The following KIAA1217 variants were observed in gnomAD, a reference collection of about 807,000 sequenced individuals.
KIAA1217 encodes the protein KIAA1217.
KIAA1217 carries 88 observed loss-of-function variants against 163.9 expected under a neutral mutation model. The observed-to-expected ratio is 0.54, with a 90% CI of 0.45 to 0.64. KIAA1217 has a LOEUF of 0.64. Ranked by LOEUF, KIAA1217 falls within the 30% of genes least tolerant of loss-of-function variation. The pLI, the probability that KIAA1217 is intolerant of heterozygous loss-of-function variation, is 0.00. For synonymous variants in KIAA1217, 903 were observed against 923.1 expected (o/e 0.98, Z 0.39); for missense variants, 2,372 against 2,475.0 (o/e 0.96, Z 0.88).
At chr10:23,730,169 G>T (rs1838398279) in intron 1 of KIAA1217, among the ~76,000 whole-genome samples, 1 of 152,144 alleles carries the variant, frequency 6.6e-6, no homozygotes, top group Non-Finnish European at 1.5e-5. Flanking sequence ...CCAAAGTGCT[G>T]GGATTACAGG....
At chr10:24,017,040 G>GTTTTTTTT (rs35042335) in intron 2 of KIAA1217, among the ~76,000 whole-genome samples, 308 of 130,020 alleles carry the variant, frequency 2.4e-3, no homozygotes, top group East Asian at 5.5e-3. Context: ...TAGTTTTTTT[G>GTTTTTTTT]TTTTTTTTTT....
intron 1 of KIAA1217, among the ~76,000 whole-genome samples, chr10:24,005,500 G>T (rs1272168193): frequency 6.6e-6 from 1 of 152,184 alleles, no homozygotes; most frequent in Non-Finnish European, 1.5e-5. Context: ...GTTTATGTAA[G>T]TGGAAGGATC....
chr10:24,541,443 G>A (rs1389317267), intron 17 of KIAA1217, among the ~76,000 whole-genome samples: 1 of 152,116 alleles, frequency 6.6e-6, no homozygotes, highest in Non-Finnish European at 1.5e-5. Flanking sequence ...TCATTCCTCA[G>A]GCGTGTATGA....
chr10:24,448,827 G>T lies in KIAA1217; in HGVS notation c.846+10348G>T, dbSNP rs569986364. On this transcript the variant is annotated intron_variant, in intron 5 of 20. Coordinates refer to ENST00000376454, the MANE Select transcript of KIAA1217 (RefSeq NM_019590.5). ...TCACTCAATCAGCCATAGTGAGTCA[G>T]ATCCTTCCTCTGGTCTCAGCTCTCA... Among the ~76,000 whole-genome samples the T allele has an allele frequency of 2.0e-5, 3 of 152,340 alleles. No individual in the cohort carries two copies. The East Asian group carries it at 5.8e-4, about 29-fold the overall frequency.
rs1369031296 is a variant in KIAA1217, at chr10:23,789,896, G to C, written c.-321+94662G>C. ...CTTCATATATATATATCATATATAT[G>C]ATATATACATATACATATGCATATA... On this transcript the variant is annotated intron_variant, in intron 1 of 18. Coordinates refer to the KIAA1217 transcript ENST00000376462. 1.4e-5 allele frequency among the ~76,000 whole-genome samples: 2 copies of C among 146,426 alleles called. 1 individual carries two copies. The highest frequency in any genetic ancestry group is 3.0e-5 in the Non-Finnish European group (2 of 67,124).
In KIAA1217 at chr10:23,926,726, AAAAT is replaced by A. The variant is rs71397924; in HGVS notation, c.-320-80467_-320-80464del. On this transcript the variant is annotated intron_variant, in intron 1 of 18. Transcript: ENST00000376462. ...GGTGACAGAGCAAGATTCTGTCTCA[AAAAT>A]AAATAAATAAATAAATAAATAAATA... 4.3e-3 allele frequency among the ~76,000 whole-genome samples: 626 copies of A among 143,970 alleles called. 2 individuals carry two copies. The highest frequency in any genetic ancestry group is 0.028 in the South Asian group (126 of 4,494). 94.4% of individuals were successfully genotyped at this position (143,970 alleles called of 152,430 possible).
At chr10:24,035,014 A>G (rs778484324) in intron 2 of KIAA1217, among the ~76,000 whole-genome samples, 1 of 152,182 alleles carries the variant, frequency 6.6e-6, no homozygotes, top group Non-Finnish European at 1.5e-5. Flanking sequence ...CTGTGACTGA[A>G]CAGCCAGTCT....
chr10:24,081,802 C>T (rs1003512448), intron 2 of KIAA1217, among the ~76,000 whole-genome samples: 2 of 152,136 alleles, frequency 1.3e-5, no homozygotes, highest in African/African-American at 4.8e-5. Flanking sequence ...CACATGTGGC[C>T]TGGGGACTGA....
At position 24,447,207 on chromosome 10, in the gene KIAA1217, T is replaced by A. The variant is rs2061008698; in HGVS notation, c.846+8728T>A. 2.0e-5 allele frequency among the ~76,000 whole-genome samples: 3 copies of A among 152,084 alleles called. No individual in the cohort carries two copies. In the South Asian group the frequency reaches 6.2e-4, roughly 31 times the overall value. ...TTTTTCTTTTCCTTTCACCATTTTA[T>A]TCTTTTTTTAATGAATGATTTATAT... is the stretch of plus-strand genomic sequence containing the variant. On this transcript the variant is annotated intron_variant, in intron 5 of 20. Coordinates refer to ENST00000376454, the MANE Select transcript of KIAA1217 (RefSeq NM_019590.5).
chr10:23,972,439 C>T (rs1313961479), intron 1 of KIAA1217, among the ~76,000 whole-genome samples: 1 of 151,462 alleles, frequency 6.6e-6, no homozygotes, highest in East Asian at 2.0e-4. Flanking sequence ...GCTGTAAAAA[C>T]GTATGAGATC....
chr10:24,544,629 A>G (rs773086285), intron 19 of KIAA1217, 148 bp downstream of exon 19: 16 of 950,424 alleles, frequency 1.7e-5, no homozygotes, highest in East Asian at 1.3e-4. Context: ...CCCTTCTTTC[A>G]TACTTTCTCC....
intron 2 of KIAA1217, among the ~76,000 whole-genome samples, chr10:24,370,750 T>C (rs939625593): frequency 2.0e-5 from 3 of 152,064 alleles, no homozygotes; most frequent in African/African-American, 7.3e-5. Context: ...TCCTGGCTAA[T>C]TTTCATGTTG....
intron 2 of KIAA1217, among the ~76,000 whole-genome samples, chr10:24,318,113 C>G (rs1231210288): frequency 1.3e-5 from 2 of 151,984 alleles, no homozygotes; most frequent in Admixed American, 1.3e-4. Flanking sequence ...TTGAGACCAC[C>G]CTGGGCAATA....
rs2061257770 is a variant in KIAA1217 at position 24,073,387 on chromosome 10, ATT to A, written c.-171+66014_-171+66015del. Among the ~76,000 whole-genome samples, 3 of 152,266 alleles carry A rather than the reference ATT, an allele frequency of 2.0e-5. No homozygotes were observed. The South Asian group carries it at 6.2e-4, about 32-fold the overall frequency. On this transcript the variant is annotated intron_variant, in intron 2 of 18. Transcript: ENST00000376462. ...AGGCACTAGAAATAGTCAAGGGCAT[ATT>A]GAGCTTGAGGAATCTGAAGAACACT...
At chr10:24,101,223 T>C (rs908245521) in intron 2 of KIAA1217, among the ~76,000 whole-genome samples, 1 of 152,204 alleles carries the variant, frequency 6.6e-6, no homozygotes, top group African/African-American at 2.4e-5. Flanking sequence ...GCATACATTA[T>C]TGCAGAAACC....
At chr10:24,057,968 T>G (rs955204466) in intron 2 of KIAA1217, among the ~76,000 whole-genome samples, 1 of 152,246 alleles carries the variant, frequency 6.6e-6, no homozygotes, top group African/African-American at 2.4e-5. Flanking sequence ...TTCCATTAAA[T>G]CATTGCTGAG....
intron 2 of KIAA1217, among the ~76,000 whole-genome samples, chr10:24,376,046 C>A (rs2052443290): frequency 6.6e-6 from 1 of 152,194 alleles, no homozygotes; most frequent in Non-Finnish European, 1.5e-5. Flanking sequence ...TAAATCTGAT[C>A]TCCCTCGCAG....
chr10:23,699,437 GTGGT>G (rs1836276029), intron 1 of KIAA1217, among the ~76,000 whole-genome samples: 1 of 152,204 alleles, frequency 6.6e-6, no homozygotes, highest in African/African-American at 2.4e-5. Context: ...GATCTCCTGG[GTGGT>G]ATTGGTGCTC....
intron 2 of KIAA1217, among the ~76,000 whole-genome samples, chr10:24,124,536 G>A (rs1047674692): frequency 5.9e-5 from 9 of 152,032 alleles, no homozygotes; most frequent in African/African-American, 1.4e-4. Context: ...AATATGAGAC[G>A]CCTCTGACTT....
Sources: allele counts gnomAD v4.1 joint callset (sites outside exome capture counted in the v4.1 genomes callset), GRCh38; gene constraint gnomAD v4.1.1; transcripts MANE v1.5; gene names NCBI Gene and HGNC (gene_info 2026-07-23, HGNC 2026-07-21).